PLPBP: variants seen among roughly 807,000 people sequenced by gnomAD.
The protein encoded by PLPBP is pyridoxal phosphate homeostasis protein.
A neutral mutation model predicts 31.2 loss-of-function variants in PLPBP; 21 were observed. That is an observed-to-expected ratio of 0.67 (90% CI 0.48 to 0.97). The LOEUF is 0.97. Ranked by LOEUF, PLPBP falls within the 50% of genes least tolerant of loss-of-function variation. PLPBP has a pLI of 0.00. For missense variants in PLPBP, 308 were observed against 354.4 expected (o/e 0.87, Z 1.05); for synonymous variants, 124 against 135.6 (o/e 0.91, Z 0.59).
At chr8:37,775,128 T>C (rs545477895) in intron 5 of PLPBP, 5 of 448,842 alleles carry the variant, frequency 1.1e-5, no homozygotes, top group African/African-American at 6.0e-5. Flanking sequence ...ATCCAACTGA[T>C]AGTTCTTTTC....
chr8:37,778,494 G>A lies in PLPBP; in HGVS notation c.*390G>A, dbSNP rs1247391871. ...CATTTTAATAGGAAAATTCCTTATG[G>A]TTAACATCTCCCTACAAACTCCTAC... On this transcript the variant is annotated 3_prime_UTR_variant, in exon 8 of 8. Coordinates refer to ENST00000328195, the MANE Select transcript of PLPBP (RefSeq NM_007198.4). 3 of 158,198 alleles carry A rather than the reference G, an allele frequency of 1.9e-5. No homozygotes were observed. Among genetic ancestry groups the A allele is most frequent in the African/African-American group, 7.2e-5 (3 of 41,542 alleles). The allele number at this position is 158,198 out of a possible 1,614,324, so 9.8% of individuals were successfully genotyped here.
chr8:37,777,344 A>G (rs1174801507), intron 7 of PLPBP, among the ~76,000 whole-genome samples: 1 of 152,196 alleles, frequency 6.6e-6, no homozygotes, highest in African/African-American at 2.4e-5. Flanking sequence ...ACCGTGGCAC[A>G]TTGGAGAGGT....
chr8:37,775,241 G>A, intron 5 of PLPBP, 98 bp from the exon 6 acceptor site: 1 of 1,403,108 alleles, frequency 7.1e-7, no homozygotes, highest in Non-Finnish European at 9.9e-7. Context: ...TCTCTTGTTG[G>A]GGGTCACCTC....
At chr8:37,775,567 C>G in intron 6 of PLPBP, 86 bp downstream of exon 6, 3 of 1,566,082 alleles carry the variant, frequency 1.9e-6, no homozygotes, top group Non-Finnish European at 2.6e-6. Context: ...GTGGGGATTG[C>G]AGAGTCATCC....
chr8:37,766,280 A>G lies in PLPBP; in HGVS notation c.244A>G (p.Ile82Val). Residue 82 changes from isoleucine (I) to valine (V), a missense_variant and splice_region_variant, in exon 4 of 8, where the codon ATT becomes GTT. Ile to Val is a conservative substitution (Grantham distance 29, BLOSUM62 3). Transcript: ENST00000328195. The stretch of plus-strand genomic sequence containing the variant: ...CACATGGTTACCTTTTTCCCCTCAG[A>G]TTCTGTCTTTGTGTCCTGAGATCAA... ...ELLEKASNPK[I>V]LSLCPEIKWH... 6.2e-7 allele frequency: 1 copy of G among 1,606,010 alleles called. No homozygotes were observed. Among genetic ancestry groups the G allele is most frequent in the Non-Finnish European group, 8.5e-7 (1 of 1,176,688 alleles).
intron 4 of PLPBP, among the ~76,000 whole-genome samples, chr8:37,768,101 G>A (rs868386282): frequency 1.3e-5 from 2 of 151,954 alleles, no homozygotes; most frequent in East Asian, 1.9e-4. Flanking sequence ...CACCATGCCC[G>A]GCCTATTGAT....
chr8:37,776,292 A>G (rs1016688191), intron 7 of PLPBP, among the ~76,000 whole-genome samples: 34 of 151,968 alleles, frequency 2.2e-4, no homozygotes. Flanking sequence ...CCTGACCAAC[A>G]TGGTGAAACC....
intron 3 of PLPBP, 116 bp downstream of exon 3, chr8:37,765,862 T>TG: frequency 9.2e-7 from 1 of 1,091,302 alleles, no homozygotes; most frequent in South Asian, 1.5e-5. Flanking sequence ...GACTTTAGAT[T>TG]GGGCCAGGGA....
At chr8:37,767,799 CTT>C (rs1175107737) in intron 4 of PLPBP, among the ~76,000 whole-genome samples, 24 of 98,930 alleles carry the variant, frequency 2.4e-4, no homozygotes, top group African/African-American at 9.4e-4. Flanking sequence ...CTTTTATTTA[CTT>C]TTTTTTTTTT....
At chr8:37,770,096 A>G (rs1044548787) in intron 4 of PLPBP, among the ~76,000 whole-genome samples, 2 of 152,234 alleles carry the variant, frequency 1.3e-5, no homozygotes, top group Non-Finnish European at 2.9e-5. Flanking sequence ...TGCAGTCCCT[A>G]TCAGAATACT....
chr8:37,767,047 A>C (rs77242209), intron 4 of PLPBP, among the ~76,000 whole-genome samples: 44 of 93,974 alleles, frequency 4.7e-4, no homozygotes, highest in African/African-American at 1.9e-3. Context: ...ACTTCATCCC[A>C]AAAAAAAAAA....
At chr8:37,769,709 C>T (rs1285851730) in intron 4 of PLPBP, among the ~76,000 whole-genome samples, 2 of 152,030 alleles carry the variant, frequency 1.3e-5, no homozygotes, top group African/African-American at 2.4e-5. Flanking sequence ...CTTCGTCTTA[C>T]CAGGAGATTC....
intron 4 of PLPBP, among the ~76,000 whole-genome samples, chr8:37,771,519 C>T (rs1163608745): frequency 6.6e-6 from 1 of 152,014 alleles, no homozygotes; most frequent in Non-Finnish European, 1.5e-5. Context: ...CTCCTGGCCT[C>T]AAGTGATCTG....
intron 7 of PLPBP, 84 bp downstream of exon 7, chr8:37,776,100 G>T: frequency 1.2e-5 from 16 of 1,323,622 alleles, no homozygotes; most frequent in Non-Finnish European, 1.7e-5. Context: ...GATCTTTGCT[G>T]TAGAAGCCTT....
intron 4 of PLPBP, among the ~76,000 whole-genome samples, chr8:37,767,046 CAAAAAAAA>C (rs377103424): frequency 1.7e-5 from 1 of 57,164 alleles, no homozygotes; most frequent in Non-Finnish European, 3.1e-5. Flanking sequence ...GACTTCATCC[CAAAAAAAA>C]AAAAAAAAAA....
At chr8:37,771,857 G>A (rs538735163) in intron 4 of PLPBP, among the ~76,000 whole-genome samples, 2 of 152,234 alleles carry the variant, frequency 1.3e-5, no homozygotes, top group Non-Finnish European at 2.9e-5. Context: ...CTACTTGGGA[G>A]GCTGAGGCAG....
intron 1 of PLPBP, 60 bp downstream of exon 1, chr8:37,762,818 G>T (rs1803515536): frequency 9.9e-6 from 15 of 1,514,872 alleles, no homozygotes; most frequent in South Asian, 1.2e-5. Flanking sequence ...GGACACCTGC[G>T]TGGGAATGGG....
At chr8:37,776,424 C>T (rs566757506) in intron 7 of PLPBP, among the ~76,000 whole-genome samples, 3 of 137,078 alleles carry the variant, frequency 2.2e-5, no homozygotes, top group African/African-American at 8.2e-5. Context: ...TGCAGTGAGC[C>T]GAGGTCGCGC....
At chr8:37,769,861 GGAAAA>G (rs1248825072) in intron 4 of PLPBP, among the ~76,000 whole-genome samples, 3 of 152,116 alleles carry the variant, frequency 2.0e-5, no homozygotes, top group Non-Finnish European at 4.4e-5. Flanking sequence ...TGAATGATCT[GGAAAA>G]GAAATCAGGA....
Sources: allele counts gnomAD v4.1 joint callset (sites outside exome capture counted in the v4.1 genomes callset), GRCh38; gene constraint gnomAD v4.1.1; transcripts MANE v1.5; gene names NCBI Gene and HGNC (gene_info 2026-07-23, HGNC 2026-07-21).